SRPK2: variants seen among roughly 807,000 people sequenced by gnomAD.
The protein encoded by SRPK2 is SRSF protein kinase 2, also known as SFRS protein kinase 2.
Under a neutral mutation model 90.8 loss-of-function variants are expected in SRPK2, and 21 were observed. The ratio of observed to expected loss-of-function variants is 0.23; its 90% CI spans 0.16 to 0.33. The LOEUF (loss-of-function observed/expected upper bound fraction) is 0.33. Ranked by LOEUF, SRPK2 falls within the 10% of genes least tolerant of loss-of-function variation. SRPK2 has a pLI of 1.00. For missense variants in SRPK2, 620 were observed against 869.0 expected (o/e 0.71, Z 3.60); for synonymous variants, 288 against 311.1 (o/e 0.93, Z 0.78).
At chr7:105,197,603 G>A (rs7796945) in intron 3 of SRPK2, among the ~76,000 whole-genome samples, 62,695 of 151,954 alleles carry the variant, frequency 0.41, 14,828 homozygotes, top group Non-Finnish European at 0.53. Context: ...AAATGCAGTG[G>A]AGTTAACAAA....
intron 2 of SRPK2, among the ~76,000 whole-genome samples, chr7:105,263,623 A>G (rs1804633393): frequency 6.6e-6 from 1 of 152,162 alleles, no homozygotes; most frequent in Non-Finnish European, 1.5e-5. Flanking sequence ...TTACCTTAAT[A>G]CTAAAACCCC....
In SRPK2 at chr7:105,208,978, T is replaced by TA. The variant is rs147428103; in HGVS notation, c.72-5194dup. 4.7e-3 allele frequency among the ~76,000 whole-genome samples: 710 copies of TA among 151,346 alleles called. 8 individuals carry two copies. The highest frequency in any genetic ancestry group is 0.016 in the African/African-American group (681 of 41,284). On this transcript the variant is annotated intron_variant, in intron 2 of 15. Transcript: ENST00000393651. ...CTCTACAAAAACAACAATAAATTTT[T>TA]AAAAAAATAAAAGAAAACCCCAATA...
At chr7:105,375,129 A>T (rs1484244917) in intron 2 of SRPK2, among the ~76,000 whole-genome samples, 1 of 152,146 alleles carries the variant, frequency 6.6e-6, no homozygotes, top group African/African-American at 2.4e-5. Flanking sequence ...TAATTTCTAG[A>T]TATGGCATAT....
At chr7:105,380,209 G>T (rs1820780653) in intron 2 of SRPK2, among the ~76,000 whole-genome samples, 1 of 152,180 alleles carries the variant, frequency 6.6e-6, no homozygotes, top group Non-Finnish European at 1.5e-5. Context: ...TCAGCTCAAA[G>T]CAACCTCTAT....
At chr7:105,300,254 CAAAAAAAAAAAAA>C (rs35542004) in intron 2 of SRPK2, among the ~76,000 whole-genome samples, 1 of 76,302 alleles carries the variant, frequency 1.3e-5, no homozygotes, top group South Asian at 4.1e-4. Flanking sequence ...GACTCCATCT[CAAAAAAAAAAAAA>C]AAAAAAAAAA....
chr7:105,259,404 AC>A (rs1187378520), intron 2 of SRPK2, among the ~76,000 whole-genome samples: 1 of 152,240 alleles, frequency 6.6e-6, no homozygotes, highest in African/African-American at 2.4e-5. Context: ...AATGGAAAAA[AC>A]ATTCCATATT....
intron 2 of SRPK2, among the ~76,000 whole-genome samples, chr7:105,365,354 C>T (rs548724592): frequency 3.3e-5 from 5 of 151,698 alleles, no homozygotes; most frequent in African/African-American, 1.2e-4. Context: ...GGTGTGGTGG[C>T]GGGTGCCTGT....
intron 2 of SRPK2, among the ~76,000 whole-genome samples, chr7:105,231,894 G>A (rs1799466030): frequency 6.6e-6 from 1 of 152,186 alleles, no homozygotes. Context: ...GTCTCACTCT[G>A]TCACCTAGTC....
intron 2 of SRPK2, among the ~76,000 whole-genome samples, chr7:105,322,501 T>C (rs1260774661): frequency 6.6e-6 from 1 of 152,136 alleles, no homozygotes; most frequent in Non-Finnish European, 1.5e-5. Context: ...TGTTATATAA[T>C]TGCATTTACA....
intron 3 of SRPK2, among the ~76,000 whole-genome samples, chr7:105,188,569 C>CA (rs1273577325): frequency 6.6e-6 from 1 of 152,118 alleles, no homozygotes; most frequent in Non-Finnish European, 1.5e-5. Context: ...ATAAACCAGA[C>CA]AAAAAATCCC....
intron 3 of SRPK2, among the ~76,000 whole-genome samples, chr7:105,174,835 C>T (rs1791624025): frequency 6.6e-6 from 1 of 152,060 alleles, no homozygotes; most frequent in Non-Finnish European, 1.5e-5. Context: ...GACCATAAAA[C>T]AAGTCTCAAT....
chr7:105,359,234 C>T (rs942153432), intron 2 of SRPK2, among the ~76,000 whole-genome samples: 1 of 142,514 alleles, frequency 7.0e-6, no homozygotes, highest in Admixed American at 7.6e-5. Flanking sequence ...TCTTGGCTCA[C>T]TGCAACCTCT....
At chr7:105,302,226 G>A (rs1810635072) in intron 2 of SRPK2, 2 of 718,026 alleles carry the variant, frequency 2.8e-6, no homozygotes, top group Non-Finnish European at 2.5e-6. Context: ...AAGGTTGTAA[G>A]TTGAAAGTTC....
intron 2 of SRPK2, among the ~76,000 whole-genome samples, chr7:105,232,703 AAC>A (rs1366910092): frequency 8.7e-5 from 4 of 45,874 alleles, no homozygotes; most frequent in South Asian, 1.1e-3. Flanking sequence ...CATTAAAAAA[AAC>A]AACAATAATA....
chr7:105,318,842 A>G (rs980669589), intron 2 of SRPK2, among the ~76,000 whole-genome samples: 3 of 152,232 alleles, frequency 2.0e-5, no homozygotes, highest in African/African-American at 7.2e-5. Flanking sequence ...CACTGGTATA[A>G]AATCCTGGTA....
intron 2 of SRPK2, chr7:105,297,454 T>A (rs192051418): frequency 1.0e-6 from 1 of 985,250 alleles, no homozygotes; most frequent in Non-Finnish European, 1.2e-6. Context: ...TCAAAACACA[T>A]TGGCTTTCCC....
chr7:105,168,016 G>T lies in SRPK2; in HGVS notation c.418C>A (p.Leu140Ile). 6.2e-7 allele frequency: 1 copy of T among 1,607,004 alleles called. No homozygotes were observed. Among genetic ancestry groups the T allele is most frequent in the Non-Finnish European group, 8.5e-7 (1 of 1,176,254 alleles). ...TETALDEIKL[L>I]KCVRESDPSD... Reference sequence around the variant, plus strand: ...ATTTTTAAAGTACTTACACATTTGAGCAATTTTATTTCATCCAAGGCTGTC... The same window carrying T: ...ATTTTTAAAGTACTTACACATTTGATCAATTTTATTTCATCCAAGGCTGTC... Residue 140 changes from leucine (L) to isoleucine (I), a missense_variant, in exon 5 of 16, where the codon CTC becomes ATC. Transcript: ENST00000393651.
At chr7:105,338,374 T>C (rs1024798723) in intron 2 of SRPK2, among the ~76,000 whole-genome samples, 11 of 152,212 alleles carry the variant, frequency 7.2e-5, no homozygotes, top group Non-Finnish European at 1.6e-4. Flanking sequence ...CAGCTGGGAT[T>C]ACAGGCGCAG....
chr7:105,137,318 A>C (rs952727532), intron 11 of SRPK2, among the ~76,000 whole-genome samples: 3 of 152,212 alleles, frequency 2.0e-5, no homozygotes, highest in Non-Finnish European at 4.4e-5. Context: ...TCAGTGAAGG[A>C]CAACTCAGGG....
Sources: allele counts gnomAD v4.1 joint callset (sites outside exome capture counted in the v4.1 genomes callset), GRCh38; gene constraint gnomAD v4.1.1; transcripts MANE v1.5; gene names NCBI Gene and HGNC (gene_info 2026-07-23, HGNC 2026-07-21).